The following MGAM2 variants were observed in gnomAD, a reference collection of about 807,000 sequenced individuals.
MGAM2 encodes the protein probable maltase-glucoamylase 2.
Under a neutral mutation model 96.1 loss-of-function variants are expected in MGAM2, and 98 were observed. The observed-to-expected ratio is 1.02, with a 90% CI of 0.87 to 1.21. The LOEUF is 1.21. Among genes scored for constraint, MGAM2 ranks in the 50% most tolerant of loss-of-function variants. The pLI is 0.00. For missense variants in MGAM2, 2,055 were observed against 1,182.4 expected (o/e 1.74, Z -10.82); for synonymous variants, 749 against 414.8 (o/e 1.81, Z -9.79).
At chr7:142,114,945 G>C (rs577590426) in intron 1 of MGAM2, among the ~76,000 whole-genome samples, 1 of 152,134 alleles carries the variant, frequency 6.6e-6, no homozygotes, top group Non-Finnish European at 1.5e-5. Flanking sequence ...TTACAGGCAC[G>C]GTGGCTCATG....
At position 142,114,216 on chromosome 7, in the gene MGAM2, G is replaced by GAA. The variant is rs1554499599; in HGVS notation, c.-1+2410_-1+2411insAA. 1.3e-4 allele frequency among the ~76,000 whole-genome samples: 9 copies of GAA among 68,066 alleles called. 1 individual carries two copies. The highest frequency in any genetic ancestry group is 2.2e-4 in the African/African-American group (3 of 13,342). The allele number at this position is 68,066 out of a possible 152,430, so 44.7% of individuals were successfully genotyped here. A position where few individuals can be genotyped will look rare whatever the true frequency, so the allele number is the denominator to read the frequency against. On this transcript the variant is annotated intron_variant, in intron 1 of 47. Transcript: ENST00000477922. Reference sequence around the variant, plus strand: ...AAAGAAAGAAAGAAAGAAAGAAAGAGAGAAAGAAAGAAAGAAATAGGAGAC... The same window carrying GAA: ...AAAGAAAGAAAGAAAGAAAGAAAGAGAAAGAAAGAAAGAAAGAAATAGGAGAC...
At chr7:142,194,567 A>G (rs756640418) in intron 37 of MGAM2, among the ~76,000 whole-genome samples, 8 of 152,126 alleles carry the variant, frequency 5.3e-5, no homozygotes, top group African/African-American at 1.9e-4. Flanking sequence ...CATTCTTCCA[A>G]TTTGTGTATG....
At chr7:142,205,991 C>T (rs950823207) in intron 45 of MGAM2, among the ~76,000 whole-genome samples, 5 of 151,982 alleles carry the variant, frequency 3.3e-5, no homozygotes, top group Non-Finnish European at 7.4e-5. Flanking sequence ...GGTCTAACTT[C>T]TTTCTTTTGT....
rs186835766 is a variant in MGAM2 at position 142,158,341 on chromosome 7, A to G, written c.2163+9A>G. 24 of 702,914 alleles carry G rather than the reference A, an allele frequency of 3.4e-5. No individual in the cohort carries two copies. The highest frequency in any genetic ancestry group is 3.2e-4 in the Admixed American group (16 of 50,002). The allele number at this position is 702,914 out of a possible 1,614,324, so 43.5% of individuals were successfully genotyped here. ...CGCCTGTTTTATATGAAGTATGTTTATCATCTAAACAATGAAAGGGGGTAT... is the reference window on the plus strand; with the variant it reads ...CGCCTGTTTTATATGAAGTATGTTTGTCATCTAAACAATGAAAGGGGGTAT... On this transcript the variant is annotated intron_variant, in intron 19 of 47. Transcript: ENST00000477922.
intron 20 of MGAM2, 61 bp from the exon 21 acceptor site, chr7:142,160,073 G>A: frequency 4.6e-6 from 3 of 653,606 alleles, no homozygotes; most frequent in Non-Finnish European, 8.2e-6. Flanking sequence ...TGATACCTAA[G>A]GCCCCTCCTA....
chr7:142,178,860 C>T (rs1021819266), intron 32 of MGAM2, among the ~76,000 whole-genome samples: 1 of 151,942 alleles, frequency 6.6e-6, no homozygotes, highest in Non-Finnish European at 1.5e-5. Flanking sequence ...CTTTGGTTAG[C>T]GTGGCCATTG....
chr7:142,118,270 C>A (rs753876269), intron 2 of MGAM2, among the ~76,000 whole-genome samples: 2 of 152,122 alleles, frequency 1.3e-5, no homozygotes, highest in Non-Finnish European at 2.9e-5. Flanking sequence ...GAGTATTTAT[C>A]CTTTTGTGAC....
chr7:142,186,125 T>C lies in MGAM2; in HGVS notation c.4122+2T>C, dbSNP rs1218570827. ...TTGAAGTTTGATGGATTGTGGATTG[T>C]AAGTGCACCCTTGGTTGTCTTTTTT... On this transcript the variant is annotated splice_donor_variant, in intron 35 of 47. Transcript: ENST00000477922. LOFTEE classifies it high-confidence loss of function. The C allele has an allele frequency of 5.7e-6, 4 of 699,900 alleles. No individual in the cohort carries two copies. In the African/African-American group the frequency reaches 7.1e-5, roughly 12 times the overall value. The allele number at this position is 699,900 out of a possible 1,614,324, so 43.4% of individuals were successfully genotyped here.
intron 14 of MGAM2, among the ~76,000 whole-genome samples, chr7:142,146,935 T>C (rs1311077740): frequency 6.6e-6 from 1 of 152,050 alleles, no homozygotes; most frequent in Non-Finnish European, 1.5e-5. Flanking sequence ...ACCATATTGG[T>C]CAGGCTTGTC....
chr7:142,217,556 G>T (rs906600363), intron 46 of MGAM2, among the ~76,000 whole-genome samples: 4 of 152,068 alleles, frequency 2.6e-5, no homozygotes, highest in Non-Finnish European at 5.9e-5. Context: ...ATTATAGCAG[G>T]TACTCAGGAA....
rs576307426 is a variant in MGAM2 at position 142,164,964 on chromosome 7, G to A, written c.2593G>A (p.Val865Ile). The A allele has an allele frequency of 1.1e-4, 78 of 702,508 alleles. No homozygotes were observed. Among genetic ancestry groups the A allele is most frequent in the African/African-American group, 1.1e-3 (61 of 57,292 alleles). The allele number at this position is 702,508 out of a possible 1,614,324, so 43.5% of individuals were successfully genotyped here. A position where few individuals can be genotyped will look rare whatever the true frequency, so the allele number is the denominator to read the frequency against. Residue 865 changes from valine to isoleucine, a missense_variant, in exon 24 of 48, where the codon GTC becomes ATC. Physicochemically the swap from Val to Ile is conservative, Grantham distance 29. Transcript: ENST00000477922. ...GGACAAACAGCCAGCTAATTTTATC[G>A]TCCTACTGAATAATGTTGCCACCTC... is the stretch of plus-strand genomic sequence containing the variant. ...GMDKQPANFI[V>I]LLNNVATSSP...
At position 142,220,328 on chromosome 7, in the gene MGAM2, C is replaced by G. The variant is rs1168231824; in HGVS notation, c.5817C>G (p.Ile1939Met). The G allele has an allele frequency of 5.7e-6, 4 of 702,448 alleles. No individual in the cohort carries two copies. The highest frequency in any genetic ancestry group is 2.6e-6 in the Non-Finnish European group (1 of 384,892). The allele number at this position is 702,448 out of a possible 1,614,324, so 43.5% of individuals were successfully genotyped here. Residue 1939 changes from isoleucine to methionine, a missense_variant, in exon 48 of 48, where the codon ATC becomes ATG. Coordinates refer to ENST00000477922, the MANE Select transcript of MGAM2 (RefSeq NM_001293626.2). ...CTAGCACTAATGCTACTGTTCCTAT[C>G]ACAACCACATGTTTTGCAACAAGTA... is the stretch of plus-strand genomic sequence containing the variant. Reference protein sequence around the residue: ...STASTNATVPITTTCFATSTI... With the variant: ...STASTNATVPMTTTCFATSTI...
intron 1 of MGAM2, among the ~76,000 whole-genome samples, chr7:142,113,857 C>T (rs528918690): frequency 2.0e-5 from 3 of 152,104 alleles, no homozygotes; most frequent in Non-Finnish European, 4.4e-5. Flanking sequence ...TAGGGCTGAG[C>T]GTGGTGCCTC....
chr7:142,121,211 C>A (rs1261188007), intron 3 of MGAM2, among the ~76,000 whole-genome samples: 4 of 152,024 alleles, frequency 2.6e-5, no homozygotes, highest in African/African-American at 9.7e-5. Flanking sequence ...AGAGTCTCAC[C>A]TTGTCTCCTG....
intron 15 of MGAM2, among the ~76,000 whole-genome samples, chr7:142,152,042 C>A (rs943393913): frequency 6.6e-6 from 1 of 151,280 alleles, no homozygotes; most frequent in Non-Finnish European, 1.5e-5. Context: ...GGCTGAAAGC[C>A]GAAGGAGACT....
Position 142,158,266 on chromosome 7 carries a change from C to T in MGAM2, c.2097C>T (p.Ala699=). The T allele has an allele frequency of 1.4e-6, 1 of 702,944 alleles. No individual in the cohort carries two copies. The highest frequency in any genetic ancestry group is 2.6e-6 in the Non-Finnish European group (1 of 384,986). The allele number at this position is 702,944 out of a possible 1,614,324, so 43.5% of individuals were successfully genotyped here. A position where few individuals can be genotyped will look rare whatever the true frequency, so the allele number is the denominator to read the frequency against. Residue 699 remains alanine (A), a synonymous_variant, in exon 19 of 48, where the codon GCC becomes GCT. Transcript: ENST00000477922. ...TTACTAGGTTCTACCAGGACTCAGC[C>T]ACGTGGGATGTGCATGAGCAGTTCT... The part of the protein sequence containing the change: ...PLVHEFYQDS[A]TWDVHEQFLW...
chr7:142,162,739 T>G (rs1240547319), intron 23 of MGAM2, among the ~76,000 whole-genome samples: 27 of 151,760 alleles, frequency 1.8e-4, no homozygotes. Flanking sequence ...TATTTTGAGA[T>G]AATTAAAGAT....
At chr7:142,216,674 C>T (rs1278468332) in intron 46 of MGAM2, among the ~76,000 whole-genome samples, 1 of 152,188 alleles carries the variant, frequency 6.6e-6, no homozygotes, top group Admixed American at 6.5e-5. Context: ...AAAATCAACT[C>T]TCTCAAATCA....
At chr7:142,126,216 C>A (rs1294532640) in intron 3 of MGAM2, among the ~76,000 whole-genome samples, 2 of 151,772 alleles carry the variant, frequency 1.3e-5, no homozygotes, top group African/African-American at 4.8e-5. Context: ...CTTAATGAGA[C>A]CTATTCATAT....
Sources: gnomAD v4.1 joint callset for allele counts (sites outside exome capture counted in the v4.1 genomes callset) on GRCh38, gnomAD v4.1.1 for gene constraint, MANE v1.5 for transcripts, NCBI Gene and HGNC (gene_info 2026-07-23, HGNC 2026-07-21) for gene names.